The following NSMCE1 variants were observed in gnomAD, a reference collection of about 807,000 sequenced individuals.
NSMCE1 encodes the protein NSE1 component of SMC5/6 complex, also known as non-structural maintenance of chromosomes element 1 homolog.
In NSMCE1, 18 loss-of-function variants were observed where a neutral mutation model predicts 29.6. The ratio of observed to expected loss-of-function variants is 0.61; its 90% CI spans 0.42 to 0.90. NSMCE1 has a LOEUF of 0.90. Ranked by LOEUF, NSMCE1 falls within the 40% of genes least tolerant of loss-of-function variation. NSMCE1 has a pLI of 0.00. For missense variants in NSMCE1, 314 were observed against 343.6 expected (o/e 0.91, Z 0.68); for synonymous variants, 124 against 133.4 (o/e 0.93, Z 0.49).
At chr16:27,246,890 C>G (rs2083963669) in intron 2 of NSMCE1, among the ~76,000 whole-genome samples, 1 of 152,066 alleles carries the variant, frequency 6.6e-6, no homozygotes, top group Non-Finnish European at 1.5e-5. Context: ...CTGGCTGACC[C>G]CATCAACACC....
intron 2 of NSMCE1, among the ~76,000 whole-genome samples, chr16:27,237,695 A>T (rs1490850899): frequency 6.6e-6 from 1 of 152,166 alleles, no homozygotes; most frequent in African/African-American, 2.4e-5. Flanking sequence ...ATCACTGAGA[A>T]CAATGTGCCC....
chr16:27,237,784 T>C (rs1402538012), intron 2 of NSMCE1, among the ~76,000 whole-genome samples: 1 of 152,192 alleles, frequency 6.6e-6, no homozygotes, highest in African/African-American at 2.4e-5. Context: ...CAGCCCTCTC[T>C]GCCCTTCCCC....
At chr16:27,243,200 C>T (rs139704611) in intron 2 of NSMCE1, among the ~76,000 whole-genome samples, 78 of 152,292 alleles carry the variant, frequency 5.1e-4, no homozygotes, top group African/African-American at 1.8e-3. Context: ...ATTACAAACA[C>T]TATAGTGCAA....
intron 1 of NSMCE1, among the ~76,000 whole-genome samples, chr16:27,263,237 T>C (rs1382347518): frequency 6.6e-6 from 1 of 152,104 alleles, no homozygotes; most frequent in African/African-American, 2.4e-5. Context: ...TAAAGACACA[T>C]GCACGGGAAT....
intron 6 of NSMCE1, 24 bp from the exon 7 acceptor site, chr16:27,225,870 G>A (rs761596650): frequency 5.6e-6 from 9 of 1,612,770 alleles, no homozygotes; most frequent in Admixed American, 1.7e-5. Flanking sequence ...GGCCAATGAC[G>A]GCGGAGCTGG....
intron 2 of NSMCE1, among the ~76,000 whole-genome samples, chr16:27,252,359 A>G (rs2084043635): frequency 6.6e-6 from 1 of 152,228 alleles, no homozygotes; most frequent in Non-Finnish European, 1.5e-5. Flanking sequence ...AGAAACCTCC[A>G]TAGAAACCCA....
At position 27,251,205 on chromosome 16, in the gene NSMCE1, TATAA is replaced by T. The variant is rs1567281349; in HGVS notation, c.136+6226_136+6229del. Among the ~76,000 whole-genome samples the T allele has an allele frequency of 2.7e-3, 186 of 69,318 alleles. 1 individual carries two copies. The highest frequency in any genetic ancestry group is 0.015 in the African/African-American group (176 of 11,730). 45.5% of individuals were successfully genotyped at this position (69,318 alleles called of 152,430 possible). ...ATATATATATAAATATATATATATATATAAAACTCTGTAGAGTTCAGACTCCTCA... is the reference window on the plus strand; with the variant it reads ...ATATATATATAAATATATATATATATAACTCTGTAGAGTTCAGACTCCTCA... On this transcript the variant is annotated intron_variant, in intron 2 of 7. Transcript: ENST00000361439.
intron 3 of NSMCE1, among the ~76,000 whole-genome samples, chr16:27,234,644 TG>T (rs1167294040): frequency 1.3e-5 from 2 of 152,232 alleles, no homozygotes; most frequent in African/African-American, 4.8e-5. Flanking sequence ...GACTCTGTAA[TG>T]TTTTTTTTCC....
chr16:27,256,893 T>TA (rs959704785), intron 2 of NSMCE1, among the ~76,000 whole-genome samples: 22 of 152,172 alleles, frequency 1.4e-4, no homozygotes, highest in South Asian at 6.2e-4. Flanking sequence ...TTTTTTCAAA[T>TA]AAAAAAATAG....
rs937176335 is a variant in NSMCE1, at chr16:27,228,499, C to A, written c.484-1663G>T. Among the ~76,000 whole-genome samples the A allele has an allele frequency of 8.0e-5, 12 of 150,430 alleles. 1 individual carries two copies. The highest frequency in any genetic ancestry group is 1.5e-4 in the Non-Finnish European group (10 of 67,850). ...CCTGGCCACCGCCCTCTTCCAGCCTCCCCTCCAGATCCATCACGGCACCCC... is the reference window on the plus strand; with the variant it reads ...CCTGGCCACCGCCCTCTTCCAGCCTACCCTCCAGATCCATCACGGCACCCC... On this transcript the variant is annotated intron_variant, in intron 5 of 7. Coordinates refer to ENST00000361439, the MANE Select transcript of NSMCE1 (RefSeq NM_145080.4).
chr16:27,226,656 C>T (rs753389576), intron 6 of NSMCE1, 64 bp downstream of exon 6: 105 of 1,055,272 alleles, frequency 1.0e-4, no homozygotes, highest in Non-Finnish European at 1.5e-4. Flanking sequence ...CCGGGAAGTA[C>T]CTGTACAGAG....
rs549004501 is a variant in NSMCE1, at chr16:27,234,869, G to A, written c.258+309C>T. Among the ~76,000 whole-genome samples the A allele has an allele frequency of 7.9e-5, 12 of 152,316 alleles. No individual in the cohort carries two copies. The South Asian group carries it at 2.3e-3, about 29-fold the overall frequency. Reference sequence around the variant, plus strand: ...TCCTGAACACATCACGTGGGTGAACGGGGAGTCGGCGGCAGGAGGGATGAG... The same window carrying A: ...TCCTGAACACATCACGTGGGTGAACAGGGAGTCGGCGGCAGGAGGGATGAG... On this transcript the variant is annotated intron_variant, in intron 3 of 7. Transcript: ENST00000361439.
chr16:27,239,715 G>A (rs935155918), intron 2 of NSMCE1, among the ~76,000 whole-genome samples: 30 of 152,322 alleles, frequency 2.0e-4, no homozygotes, highest in African/African-American at 7.2e-4. Context: ...GAGGAACGAG[G>A]CCCTGGCCCT....
chr16:27,241,879 G>A (rs2083899094), intron 2 of NSMCE1: 1 of 454,908 alleles, frequency 2.2e-6, no homozygotes, highest in Admixed American at 2.4e-5. Context: ...TCAGAGAGAT[G>A]AAGGACATAC....
intron 2 of NSMCE1, among the ~76,000 whole-genome samples, chr16:27,254,975 G>A (rs1384306359): frequency 2.1e-5 from 3 of 145,042 alleles, no homozygotes; most frequent in Non-Finnish European, 4.5e-5. Flanking sequence ...TGCCTCCCAG[G>A]TTCAAGCAAT....
Position 27,257,557 on chromosome 16 carries a change from G to GTGC in NSMCE1, c.11_13dup (p.Ser4dup). 1 of 1,612,824 alleles carries GTGC rather than the reference G, an allele frequency of 6.2e-7. No homozygotes were observed. Among genetic ancestry groups the GTGC allele is most frequent in the Non-Finnish European group, 8.5e-7 (1 of 1,179,440 alleles). On this transcript the variant is annotated inframe_insertion, in exon 2 of 8. Transcript: ENST00000361439. The stretch of plus-strand genomic sequence containing the variant: ...ATCAGTCATGACGCCCATTCTCCTT[G>GTGC]TGCTGCCCTGCATGTGGGAACGAAC...
Position 27,232,994 on chromosome 16 carries a change from A to G in NSMCE1, c.483+7T>C. 6.2e-7 allele frequency: 1 copy of G among 1,612,868 alleles called. No homozygotes were observed. The highest frequency in any genetic ancestry group is 1.1e-5 in the South Asian group (1 of 90,578). On this transcript the variant is annotated splice_region_variant and intron_variant, in intron 5 of 7. Transcript: ENST00000361439. The surrounding 1 kb of genome is among the most constrained non-coding windows in gnomAD (Gnocchi z 4.5). ...TGAACCAGGCTGGAAAAACCATGAG[A>G]CAGTACCTCAATCAGCCACTTGTTT...
rs904839406 is a variant in NSMCE1, at chr16:27,232,354, G to A, written c.483+647C>T. ...CTCCATTCAGCAGGACTAGACGTGGGGGTGGGGGCAACATCTAGAAACTGG... is the reference window on the plus strand; with the variant it reads ...CTCCATTCAGCAGGACTAGACGTGGAGGTGGGGGCAACATCTAGAAACTGG... On this transcript the variant is annotated intron_variant, in intron 5 of 7. Coordinates refer to ENST00000361439, the MANE Select transcript of NSMCE1 (RefSeq NM_145080.4). The surrounding 1 kb of genome is among the most constrained non-coding windows in gnomAD (Gnocchi z 4.5). Among the ~76,000 whole-genome samples, 1 of 152,202 alleles carries A rather than the reference G, an allele frequency of 6.6e-6. No homozygotes were observed. Among genetic ancestry groups the A allele is most frequent in the African/African-American group, 2.4e-5 (1 of 41,448 alleles).
intron 1 of NSMCE1, among the ~76,000 whole-genome samples, chr16:27,258,527 A>G (rs2084111689): frequency 1.3e-5 from 2 of 152,242 alleles, no homozygotes; most frequent in South Asian, 4.1e-4. Flanking sequence ...ATCTGACAAG[A>G]AAGAAGTTCA....
Sources: allele counts gnomAD v4.1 joint callset (sites outside exome capture counted in the v4.1 genomes callset), GRCh38; gene constraint gnomAD v4.1.1; non-coding constraint Gnocchi (gnomAD v3.1); transcripts MANE v1.5; gene names NCBI Gene and HGNC (gene_info 2026-07-23, HGNC 2026-07-21).